Variants in CUBN observed in about 807,000 individuals in gnomAD.
CUBN encodes the protein cubilin, also known as 460 kDa receptor.
Under a neutral mutation model 405.3 loss-of-function variants are expected in CUBN, and 282 were observed. The ratio of observed to expected loss-of-function variants is 0.70; its 90% CI spans 0.63 to 0.77. The LOEUF is 0.77. Ranked by LOEUF, CUBN falls within the 30% of genes least tolerant of loss-of-function variation. The probability of loss-of-function intolerance (pLI) is 0.00; values close to 1 mark genes in which losing one functional copy is unlikely to be tolerated. For synonymous variants in CUBN, 1,684 were observed against 1,617.0 expected (o/e 1.04, Z -0.99); for missense variants, 4,514 against 4,475.2 (o/e 1.01, Z -0.25).
chr10:17,054,903 C>G (rs1318161052), intron 22 of CUBN, among the ~76,000 whole-genome samples: 2 of 151,944 alleles, frequency 1.3e-5, no homozygotes, highest in Non-Finnish European at 2.9e-5. Flanking sequence ...TTATATTCCA[C>G]AAACTCAGAA....
At chr10:17,069,112 C>T (rs1295232586) in intron 19 of CUBN, among the ~76,000 whole-genome samples, 1 of 152,160 alleles carries the variant, frequency 6.6e-6, no homozygotes, top group Non-Finnish European at 1.5e-5. Context: ...CACGTTGTAG[C>T]ATGGATCATT....
At chr10:16,901,914 T>C (rs200262021) in intron 51 of CUBN, among the ~76,000 whole-genome samples, 6,445 of 86,694 alleles carry the variant, frequency 0.074, 360 homozygotes, top group East Asian at 0.28. Flanking sequence ...TATATATATA[T>C]ATATACACAC....
At chr10:17,020,125 T>G in intron 27 of CUBN, 142 bp from the exon 28 acceptor site, 2 of 813,028 alleles carry the variant, frequency 2.5e-6, no homozygotes, top group Non-Finnish European at 4.2e-6. Context: ...TACACAGAAC[T>G]CAACATAAGA....
chr10:16,928,013 C>A (rs1397611199), intron 41 of CUBN, 144 bp downstream of exon 41: 3 of 883,484 alleles, frequency 3.4e-6, no homozygotes. Context: ...GGGAGCCAGC[C>A]ATCCAGAGCC....
intron 31 of CUBN, among the ~76,000 whole-genome samples, chr10:16,974,344 T>C (rs1833026223): frequency 1.3e-5 from 2 of 152,176 alleles, no homozygotes; most frequent in Non-Finnish European, 2.9e-5. Context: ...ACTTCTTATT[T>C]TAATGTCTTG....
At chr10:17,117,129 C>G (rs1038822908) in intron 6 of CUBN, among the ~76,000 whole-genome samples, 1 of 151,906 alleles carries the variant, frequency 6.6e-6, no homozygotes, top group Non-Finnish European at 1.5e-5. Flanking sequence ...CCATCCCCCC[C>G]ATAGACATTT....
chr10:16,976,039 GT>G (rs1216689517), intron 31 of CUBN, among the ~76,000 whole-genome samples: 1 of 144,686 alleles, frequency 6.9e-6, no homozygotes, highest in East Asian at 2.0e-4. Context: ...GGCAAGATCT[GT>G]GCTCACTGCA....
chr10:16,874,257 T>G (rs1306031582), intron 58 of CUBN, 117 bp downstream of exon 58: 3 of 1,075,318 alleles, frequency 2.8e-6, no homozygotes, highest in Non-Finnish European at 4.3e-6. Context: ...CACTCCTCTG[T>G]GTAGATTTCC....
intron 2 of CUBN, 22 bp from the exon 3 acceptor site, chr10:17,127,946 G>GAAA: frequency 6.9e-7 from 1 of 1,452,446 alleles, no homozygotes; most frequent in Non-Finnish European, 9.6e-7. Flanking sequence ...AAAAGAAGAA[G>GAAA]AAATGAAGAG....
Position 16,835,180 on chromosome 10 carries a change from T to C in CUBN, c.10196A>G (p.Tyr3399Cys), listed in dbSNP as rs574703032. The C allele has an allele frequency of 6.2e-6, 10 of 1,613,902 alleles. No individual in the cohort carries two copies. In the South Asian group the frequency reaches 7.7e-5, roughly 12 times the overall value. Residue 3399 changes from tyrosine to cysteine, a missense_variant, in exon 64 of 67, where the codon TAT becomes TGT. Transcript: ENST00000377833. ...TCTCAGGTTGCCAAATGCCTTGTGA[T>C]AGTCTCTGTTGCAATCTTAGAGGAA... Reference protein sequence around the residue: ...TYQIADCNRDYHKAFGNLRSP... With the variant: ...TYQIADCNRDCHKAFGNLRSP...
Position 16,950,041 on chromosome 10 carries a change from T to C in CUBN, c.5040A>G (p.Val1680=). 3.1e-6 allele frequency: 5 copies of C among 1,614,070 alleles called. No homozygotes were observed. Among genetic ancestry groups the C allele is most frequent in the Non-Finnish European group, 3.4e-6 (4 of 1,179,982 alleles). Residue 1680 remains valine (V), a synonymous_variant, in exon 34 of 67, where the codon GTA becomes GTG. Transcript: ENST00000377833. ...ERSTTCARDF[V]EILDGGHEDA... ...CTTCGTGGCCGCCATCCAAAATTTC[T>C]ACAAAGTCACGTGCACACGTTGTGC...
chr10:16,929,150 CTTTTG>C (rs1266639565), intron 40 of CUBN, among the ~76,000 whole-genome samples: 2 of 152,020 alleles, frequency 1.3e-5, no homozygotes, highest in African/African-American at 4.8e-5. Context: ...TTGTTCATTG[CTTTTG>C]TTTGTTTTGG....
In CUBN at chr10:16,982,258, T is replaced by C. The variant is rs564298170; in HGVS notation, c.4695+226A>G. Among the ~76,000 whole-genome samples the C allele has an allele frequency of 8.4e-4, 128 of 152,312 alleles. 2 individuals are homozygous for C. In the East Asian group the frequency reaches 0.011, roughly 13 times the overall value. On this transcript the variant is annotated intron_variant, in intron 31 of 66. Transcript: ENST00000377833. ...AAATGAAAAGCCAACAGGCTAATAA[T>C]GGTAGCGCAGAAACTGACTTGCTAA...
Position 17,085,701 on chromosome 10 carries a change from G to C in CUBN, c.2006C>G (p.Ser669Cys), listed in dbSNP as rs763494704. The change falls in exon 16 of 67, where the codon TCT (serine) becomes TGT (cysteine). Residue 669 changes from serine (S) to cysteine (C), a missense_variant. Ser to Cys is a moderately radical substitution (Grantham distance 112). Around this residue, in one of 5 missense-constraint regions of CUBN, gnomAD observed 1,448 missense variants for 1,388.0 expected, o/e 1.04. Transcript: ENST00000377833. ...PLLGKFCTTF[S>C]VPPLQTTGPF... ...GCCAGTAGTCTGGAGCGGTGGGACAGAGAAAGTGGTGCAGAACTTCCCAAG... is the reference window on the plus strand; with the variant it reads ...GCCAGTAGTCTGGAGCGGTGGGACACAGAAAGTGGTGCAGAACTTCCCAAG... 3.1e-6 allele frequency: 5 copies of C among 1,614,064 alleles called. No individual in the cohort carries two copies. The South Asian group carries it at 4.4e-5, about 14-fold the overall frequency.
chr10:17,041,992 T>G (rs1835031128), intron 26 of CUBN, among the ~76,000 whole-genome samples: 1 of 152,184 alleles, frequency 6.6e-6, no homozygotes, highest in Non-Finnish European at 1.5e-5. Flanking sequence ...AGGAATATAT[T>G]ATCTCTATGA....
intron 59 of CUBN, among the ~76,000 whole-genome samples, chr10:16,854,900 T>C (rs999228532): frequency 3.3e-5 from 5 of 151,766 alleles, no homozygotes; most frequent in Non-Finnish European, 7.4e-5. Context: ...GGCTGATCCA[T>C]CCTCCCTCCT....
chr10:16,874,537 A>G, intron 57 of CUBN, 34 bp from the exon 58 acceptor site: 1 of 1,613,468 alleles, frequency 6.2e-7, no homozygotes, highest in Non-Finnish European at 8.5e-7. Flanking sequence ...TGAAGAGAAC[A>G]ACGATTAGTC....
chr10:16,981,195 A>G, intron 31 of CUBN, among the ~76,000 whole-genome samples: 1 of 151,930 alleles, frequency 6.6e-6, no homozygotes, highest in East Asian at 1.9e-4. Flanking sequence ...ACACACACAC[A>G]CACACACAGA....
intron 38 of CUBN, 48 bp downstream of exon 38, chr10:16,938,915 T>C (rs1842586119): frequency 6.7e-7 from 1 of 1,482,730 alleles, no homozygotes; most frequent in Non-Finnish European, 9.4e-7. Context: ...TTTTTACCAA[T>C]AGCAATTCAC....
Sources: gnomAD v4.1 joint callset for allele counts (sites outside exome capture counted in the v4.1 genomes callset) on GRCh38, gnomAD v4.1.1 for gene constraint, gnomAD v4.1.1 regional missense constraint, MANE v1.5 for transcripts, NCBI Gene and HGNC (gene_info 2026-07-23, HGNC 2026-07-21) for gene names.